The following CAP1 variants were observed in gnomAD, a reference collection of about 807,000 sequenced individuals.
The protein encoded by CAP1 is cyclase associated actin cytoskeleton regulatory protein 1.
CAP1 carries 11 observed loss-of-function variants against 58.2 expected under a neutral mutation model. That is an observed-to-expected ratio of 0.19 (90% CI 0.12 to 0.31). CAP1 has a LOEUF of 0.31. CAP1 is among the 10% of genes least tolerant of loss of function. The probability of loss-of-function intolerance (pLI) is 1.00; values close to 1 mark genes in which losing one functional copy is unlikely to be tolerated. For synonymous variants in CAP1, 183 were observed against 213.8 expected (o/e 0.86, Z 1.26); for missense variants, 423 against 587.5 (o/e 0.72, Z 2.89).
At chr1:40,041,461 C>T (rs979165064) in intron 1 of CAP1, 5 of 152,204 alleles carry the variant, frequency 3.3e-5, no homozygotes, top group African/African-American at 1.2e-4. Flanking sequence ...TCGGCTGCTG[C>T]TCTTACTTTG....
rs762288113 is a variant in CAP1, at chr1:40,060,098, C to T, written c.144C>T (p.Asp48=). ...AGAAPYVQAF[D]SLLAGPVAEY... The stretch of plus-strand genomic sequence containing the variant: ...CAGCTCCATATGTGCAGGCATTTGA[C>T]TCGCTGCTTGCTGGTCCTGTGGCAG... Residue 48 remains aspartate, a synonymous_variant, in exon 3 of 13, where the codon GAC becomes GAT. Transcript: ENST00000372805. 1 of 1,613,752 alleles carries T rather than the reference C, an allele frequency of 6.2e-7. No homozygotes were observed. The highest frequency in any genetic ancestry group is 8.5e-7 in the Non-Finnish European group (1 of 1,179,842).
intron 1 of CAP1, among the ~76,000 whole-genome samples, chr1:40,054,350 C>G (rs1483166000): frequency 6.6e-6 from 1 of 152,096 alleles, no homozygotes; most frequent in Non-Finnish European, 1.5e-5. Flanking sequence ...ACCACCACGC[C>G]TGGCTAAGTA....
Position 40,070,444 on chromosome 1 carries a change from C to T in CAP1, c.1132C>T (p.Leu378Phe), listed in dbSNP as rs1256179212. The T allele has an allele frequency of 6.0e-5, 97 of 1,613,776 alleles. No homozygotes were observed. Among genetic ancestry groups the T allele is most frequent in the Non-Finnish European group, 7.5e-5 (89 of 1,179,842 alleles). Residue 378 changes from leucine (L) to phenylalanine (F), a missense_variant, in exon 11 of 13, where the codon CTT (leucine) becomes TTT (phenylalanine). By Grantham distance (22) the Leu-to-Phe change is conservative. Coordinates refer to ENST00000372805, the MANE Select transcript of CAP1 (RefSeq NM_006367.4). ...NSITVDNCKK[L>F]GLVFDDVVGI... The stretch of plus-strand genomic sequence containing the variant: ...TCTTCTCCTAGATAACTGTAAGAAA[C>T]TTGGCCTGGTATTCGATGACGTGGT...
chr1:40,048,394 A>C (rs12403922), intron 1 of CAP1, among the ~76,000 whole-genome samples: 18,090 of 152,190 alleles, frequency 0.12, 1,203 homozygotes, highest in East Asian at 0.23. Flanking sequence ...TACTGGGGCA[A>C]AGTGGTGCCT....
At chr1:40,045,737 G>A (rs1490649166) in intron 1 of CAP1, among the ~76,000 whole-genome samples, 1 of 152,138 alleles carries the variant, frequency 6.6e-6, no homozygotes, top group Non-Finnish European at 1.5e-5. Flanking sequence ...TGTATTTTTA[G>A]TAGGGACAGG....
intron 1 of CAP1, among the ~76,000 whole-genome samples, chr1:40,044,788 CTTTTTTTTTTTTT>C (rs71060347): frequency 3.5e-5 from 3 of 85,236 alleles, no homozygotes; most frequent in Non-Finnish European, 6.5e-5. Context: ...CCATATAATT[CTTTTTTTTTTTTT>C]TTTTTTTTTT....
chr1:40,070,384 C>T (rs1216196876), intron 10 of CAP1, 46 bp from the exon 11 acceptor site: 2 of 1,494,612 alleles, frequency 1.3e-6, no homozygotes, highest in African/African-American at 4.6e-5. Flanking sequence ...ATGTATATTA[C>T]TTTCCTTTAA....
At chr1:40,059,272 G>T (rs1467186742) in intron 1 of CAP1, 65 bp from the exon 2 acceptor site, 3 of 937,172 alleles carry the variant, frequency 3.2e-6, no homozygotes, top group Middle Eastern at 2.8e-4. Context: ...GGAATTTTCT[G>T]TTTTTTTCTC....
intron 1 of CAP1, among the ~76,000 whole-genome samples, chr1:40,051,403 C>G (rs1646359715): frequency 6.6e-6 from 1 of 151,998 alleles, no homozygotes; most frequent in African/African-American, 2.4e-5. Context: ...CATACACACA[C>G]ACACACACAA....
At chr1:40,069,269 A>T (rs950180054) in intron 8 of CAP1, among the ~76,000 whole-genome samples, 1 of 152,196 alleles carries the variant, frequency 6.6e-6, no homozygotes, top group Non-Finnish European at 1.5e-5. Context: ...AGAGTTGCAA[A>T]TGCCAACACT....
At chr1:40,064,193 G>A in intron 4 of CAP1, 34 bp from the exon 5 acceptor site, 1 of 1,611,498 alleles carries the variant, frequency 6.2e-7, no homozygotes, top group East Asian at 2.2e-5. Context: ...GTGGAAAGAT[G>A]TTAACCTGAA....
intron 1 of CAP1, among the ~76,000 whole-genome samples, chr1:40,045,470 C>G (rs1430137502): frequency 6.6e-6 from 1 of 152,192 alleles, no homozygotes; most frequent in Non-Finnish European, 1.5e-5. Flanking sequence ...GCAATCATGG[C>G]TGATTGCAAC....
intron 7 of CAP1, 64 bp downstream of exon 7, chr1:40,066,384 AG>A (rs1647085305): frequency 1.2e-6 from 1 of 832,900 alleles, no homozygotes; most frequent in Admixed American, 2.0e-5. Flanking sequence ...TGGGGTCCAC[AG>A]GTTTCTTAGA....
chr1:40,062,066 C>G (rs931267383), intron 4 of CAP1, among the ~76,000 whole-genome samples: 1 of 152,162 alleles, frequency 6.6e-6, no homozygotes, highest in Admixed American at 6.5e-5. Context: ...CTTTGCTTGC[C>G]TGCCTCTTTG....
intron 1 of CAP1, among the ~76,000 whole-genome samples, chr1:40,046,009 C>T (rs1359977440): frequency 1.3e-5 from 2 of 152,108 alleles, no homozygotes; most frequent in East Asian, 3.8e-4. Context: ...AAGAGAAGTG[C>T]CATTGGTTTG....
Position 40,072,037 on chromosome 1 carries a change from G to A in CAP1, c.*504G>A. On this transcript the variant is annotated 3_prime_UTR_variant, in exon 13 of 13. Coordinates refer to ENST00000372805, the MANE Select transcript of CAP1 (RefSeq NM_006367.4). Reference sequence around the variant, plus strand: ...GGGTTGCACTGGACCAAAGGCTGAGGCTTGGCCATCTAGCATTCCATACAA... The same window carrying A: ...GGGTTGCACTGGACCAAAGGCTGAGACTTGGCCATCTAGCATTCCATACAA... The A allele has an allele frequency of 2.5e-6, 1 of 403,142 alleles. No homozygotes were observed. Among genetic ancestry groups the A allele is most frequent in the Non-Finnish European group, 4.4e-6 (1 of 228,250 alleles). The allele number at this position is 403,142 out of a possible 1,614,324, so 25.0% of individuals were successfully genotyped here.
chr1:40,042,374 A>C (rs143089854), intron 1 of CAP1, among the ~76,000 whole-genome samples: 1 of 152,242 alleles, frequency 6.6e-6, no homozygotes, highest in Non-Finnish European at 1.5e-5. Context: ...CCAGGTGCCC[A>C]GGGTTCCAGG....
At chr1:40,064,094 T>C (rs1646972491) in intron 4 of CAP1, 133 bp from the exon 5 acceptor site, 1 of 765,724 alleles carries the variant, frequency 1.3e-6, no homozygotes, top group Non-Finnish European at 2.2e-6. Context: ...GCCTTAGGAA[T>C]CAGGACAGGA....
chr1:40,047,546 C>T (rs1334791400), intron 1 of CAP1, among the ~76,000 whole-genome samples: 1 of 152,194 alleles, frequency 6.6e-6, no homozygotes, highest in African/African-American at 2.4e-5. Context: ...TGGCTAAGGA[C>T]AAACGTCATC....
Sources: allele counts gnomAD v4.1 joint callset (sites outside exome capture counted in the v4.1 genomes callset), GRCh38; gene constraint gnomAD v4.1.1; transcripts MANE v1.5; gene names NCBI Gene and HGNC (gene_info 2026-07-23, HGNC 2026-07-21).